The following CLNK variants were observed in gnomAD, a reference collection of about 807,000 sequenced individuals.
The protein encoded by CLNK is cytokine dependent hematopoietic cell linker, also known as cytokine-dependent hematopoietic cell linker.
A neutral mutation model predicts 68.6 loss-of-function variants in CLNK; 74 were observed. The observed-to-expected ratio is 1.08, with a 90% confidence interval of 0.89 to 1.31. CLNK has a LOEUF of 1.31. Ranked by LOEUF, CLNK falls within the 50% of genes most tolerant of loss-of-function variation. The pLI, the probability that CLNK is intolerant of heterozygous loss-of-function variation, is 0.00. For synonymous variants in CLNK, 198 were observed against 172.2 expected, an observed-to-expected ratio of 1.15 and a Z score of -1.17; for missense variants, 553 against 515.3, an observed-to-expected ratio of 1.07 and a Z score of -0.71.
At chr4:10,568,354 A>G (rs554832263) in intron 5 of CLNK, among the ~76,000 whole-genome samples, 1 of 152,334 alleles carries the variant, frequency 6.6e-6, no homozygotes, top group South Asian at 2.1e-4. Context: ...GATAAAGAGT[A>G]GATTAATATT....
At chr4:10,568,770 C>T (rs1720222416) in intron 5 of CLNK, among the ~76,000 whole-genome samples, 1 of 152,164 alleles carries the variant, frequency 6.6e-6, no homozygotes. Flanking sequence ...GCAGCCCTGC[C>T]AGCATGTTGC....
intron 18 of CLNK, among the ~76,000 whole-genome samples, chr4:10,493,175 G>A (rs1213387327): frequency 3.3e-5 from 5 of 152,124 alleles, no homozygotes; most frequent in African/African-American, 1.2e-4. Context: ...AAAATTAGCC[G>A]GGCATGGTGG....
At chr4:10,500,198 T>A (rs1402347056) in intron 18 of CLNK, among the ~76,000 whole-genome samples, 3 of 152,248 alleles carry the variant, frequency 2.0e-5, no homozygotes, top group African/African-American at 7.2e-5. Context: ...TGGTGGCTCA[T>A]AACTAACTTC....
At chr4:10,562,054 G>T (rs576160971) in intron 7 of CLNK, among the ~76,000 whole-genome samples, 3 of 151,534 alleles carry the variant, frequency 2.0e-5, no homozygotes, top group Admixed American at 6.6e-5. Context: ...GCACAAAGAC[G>T]CATTTCTTGG....
intron 2 of CLNK, among the ~76,000 whole-genome samples, chr4:10,602,465 G>C (rs550287873): frequency 1.3e-5 from 2 of 152,288 alleles, no homozygotes; most frequent in African/African-American, 2.4e-5. Flanking sequence ...GGAGGCTGTG[G>C]AAAAGACCCA....
rs1263632051 is a variant in CLNK at position 10,566,156 on chromosome 4, C to T, written c.151-6G>A. The T allele has an allele frequency of 1.2e-6, 2 of 1,613,110 alleles. No individual in the cohort carries two copies. Among genetic ancestry groups the T allele is most frequent in the African/African-American group, 1.3e-5 (1 of 74,902 alleles). ...ACTGCAGCAAAGTTTCTTTCCTAAGCAGGTGGTAACATTCCAGTGAGTCAA... is the reference window on the plus strand; with the variant it reads ...ACTGCAGCAAAGTTTCTTTCCTAAGTAGGTGGTAACATTCCAGTGAGTCAA... On this transcript the variant is annotated splice_polypyrimidine_tract_variant and splice_region_variant and intron_variant, in intron 5 of 18. Transcript: ENST00000226951.
At chr4:10,700,335 C>T in the CLNK span, among the ~76,000 whole-genome samples, 2 of 152,270 alleles carry the variant, frequency 1.3e-5, no homozygotes. Context: ...CAATAGCTAG[C>T]AGGAGGAACG....
chr4:10,586,175 C>A (rs76937611), intron 3 of CLNK, among the ~76,000 whole-genome samples: 8,575 of 152,220 alleles, frequency 0.056, 454 homozygotes, highest in East Asian at 0.17. Context: ...TCCTAACACA[C>A]CACAGACCAG....
At chr4:10,715,330 C>T in the CLNK span, among the ~76,000 whole-genome samples, 2 of 152,162 alleles carry the variant, frequency 1.3e-5, no homozygotes, top group African/African-American at 4.8e-5. Context: ...TTTAATTACA[C>T]CTTGTAGCTT....
At chr4:10,565,002 A>AT (rs1720048508) in intron 6 of CLNK, among the ~76,000 whole-genome samples, 1 of 152,164 alleles carries the variant, frequency 6.6e-6, no homozygotes, top group Non-Finnish European at 1.5e-5. Context: ...AATATTCTTC[A>AT]TTTTCTCATT....
chr4:10,672,615 C>T (rs1724692529), intron 1 of CLNK, among the ~76,000 whole-genome samples: 1 of 152,136 alleles, frequency 6.6e-6, no homozygotes. Flanking sequence ...CTAATAACCA[C>T]TGATGTAATC....
chr4:10,603,170 C>T (rs1476593319), intron 2 of CLNK, among the ~76,000 whole-genome samples: 1 of 152,226 alleles, frequency 6.6e-6, no homozygotes, highest in African/African-American at 2.4e-5. Context: ...CCAGAACCTT[C>T]TCATTCTATA....
chr4:10,632,128 C>T (rs1266711975), intron 2 of CLNK, among the ~76,000 whole-genome samples: 1 of 152,218 alleles, frequency 6.6e-6, no homozygotes. Flanking sequence ...ATTCAAAACT[C>T]CATCTTCCCA....
intron 2 of CLNK, among the ~76,000 whole-genome samples, chr4:10,650,124 T>C (rs1174668524): frequency 6.6e-6 from 1 of 152,160 alleles, no homozygotes; most frequent in Non-Finnish European, 1.5e-5. Context: ...AATTATATTA[T>C]AGGTTTAATA....
intron 18 of CLNK, among the ~76,000 whole-genome samples, chr4:10,493,498 C>T (rs919337275): frequency 3.3e-5 from 5 of 152,136 alleles, no homozygotes; most frequent in African/African-American, 1.2e-4. Flanking sequence ...GCAATGCACT[C>T]TTTTACAAGG....
chr4:10,715,023 T>C, the CLNK span, among the ~76,000 whole-genome samples: 1 of 152,222 alleles, frequency 6.6e-6, no homozygotes, highest in Non-Finnish European at 1.5e-5. Flanking sequence ...GATCATGTAA[T>C]TTTTATGACT....
the CLNK span, among the ~76,000 whole-genome samples, chr4:10,704,319 A>G: frequency 2.0e-5 from 3 of 152,228 alleles, no homozygotes; most frequent in Non-Finnish European, 4.4e-5. Context: ...TGACTCATGT[A>G]AAAGTGTTCT....
In CLNK at chr4:10,537,379, G is replaced by A. The variant is rs946263355; in HGVS notation, c.602+3115C>T. ...TGTAATCCCAGCTACTCAGGAGGTT[G>A]AGTCAGGAGAATCAATTGAACCCGG... On this transcript the variant is annotated intron_variant, in intron 11 of 18. Transcript: ENST00000226951. 1.2e-4 allele frequency among the ~76,000 whole-genome samples: 18 copies of A among 152,190 alleles called. No homozygotes were observed. The South Asian group carries it at 3.1e-3, about 26-fold the overall frequency.
chr4:10,520,736 A>T lies in CLNK; in HGVS notation c.772+55T>A, dbSNP rs900261390. On this transcript the variant is annotated intron_variant, in intron 15 of 18. Coordinates refer to ENST00000226951, the MANE Select transcript of CLNK (RefSeq NM_052964.4). ...ACAACAGCTAAGTCACAGTGCCACAATATCACAGTATCGTGACTTACCTGT... is the reference window on the plus strand; with the variant it reads ...ACAACAGCTAAGTCACAGTGCCACATTATCACAGTATCGTGACTTACCTGT... 6.6e-6 allele frequency: 9 copies of T among 1,357,236 alleles called. No individual in the cohort carries two copies. In the African/African-American group the frequency reaches 1.1e-4, roughly 17 times the overall value. The allele number at this position is 1,357,236 out of a possible 1,614,324, so 84.1% of individuals were successfully genotyped here. A position where few individuals can be genotyped will look rare whatever the true frequency, so the allele number is the denominator to read the frequency against.
Sources: gnomAD v4.1 joint callset for allele counts (sites outside exome capture counted in the v4.1 genomes callset) on GRCh38, gnomAD v4.1.1 for gene constraint, MANE v1.5 for transcripts, NCBI Gene and HGNC (gene_info 2026-07-23, HGNC 2026-07-21) for gene names.